Variants in CC2D1A observed in about 807,000 individuals in gnomAD.
The protein encoded by CC2D1A is coiled-coil and C2 domain-containing protein 1A.
A neutral mutation model predicts 123.8 loss-of-function variants in CC2D1A; 68 were observed. The observed-to-expected ratio is 0.55, with a 90% CI of 0.45 to 0.67. CC2D1A has a LOEUF of 0.67. Among genes scored for constraint, CC2D1A ranks in the 30% least tolerant of loss-of-function variants. The pLI is 0.00. For synonymous variants in CC2D1A, 477 were observed against 528.0 expected (o/e 0.90, Z 1.32); for missense variants, 1,185 against 1,290.3 (o/e 0.92, Z 1.25).
Position 13,930,380 on chromosome 19 carries a change from G to T in CC2D1A, c.2841G>T (p.Gln947His). The T allele has an allele frequency of 2.5e-6, 4 of 1,613,008 alleles. No individual in the cohort carries two copies. Among genetic ancestry groups the T allele is most frequent in the Non-Finnish European group, 3.4e-6 (4 of 1,179,394 alleles). Residue 947 changes from glutamine to histidine, a missense_variant, in exon 29 of 29, where the codon CAG (glutamine) becomes CAT (histidine). Coordinates refer to ENST00000318003, the MANE Select transcript of CC2D1A (RefSeq NM_017721.5). The surrounding 1 kb of genome is among the most constrained non-coding windows in gnomAD (Gnocchi z 6.8). ...YRRNLVESEL[Q>H]RLRR ...AGTGGCCTCCTCTCCCCCAGCTGCAGCGGCTCCGCAGGTGAGGAGCCCATG... is the reference window on the plus strand; with the variant it reads ...AGTGGCCTCCTCTCCCCCAGCTGCATCGGCTCCGCAGGTGAGGAGCCCATG...
At chr19:13,922,398 A>G (rs1207375734) in intron 14 of CC2D1A, among the ~76,000 whole-genome samples, 1 of 152,142 alleles carries the variant, frequency 6.6e-6, no homozygotes, top group Admixed American at 6.6e-5. Flanking sequence ...GCCTTTGCAC[A>G]TGCAGTTCCC....
At chr19:13,916,150 G>A (rs191392522) in intron 6 of CC2D1A, among the ~76,000 whole-genome samples, 64 of 152,224 alleles carry the variant, frequency 4.2e-4, no homozygotes, top group African/African-American at 1.3e-3. Flanking sequence ...CCAGCCACTC[G>A]GGTGGATGAG....
chr19:13,920,611 C>T lies in CC2D1A; in HGVS notation c.1411C>T (p.Pro471Ser). Residue 471 changes from proline (P) to serine (S), a missense_variant, in exon 13 of 29, where the codon CCC (proline) becomes TCC (serine). Pro to Ser is a moderately conservative substitution (Grantham distance 74, BLOSUM62 -1). Transcript: ENST00000318003. Reference protein sequence around the residue: ...AQPKAPPSRTPQSGSAPTAKA... With the variant: ...AQPKAPPSRTSQSGSAPTAKA... ...GCCCAAAGCCCCACCCTCAAGAACT[C>T]CCCAGTCGGGATCAGCCCCAACAGC... is the stretch of plus-strand genomic sequence containing the variant. 1 of 1,611,448 alleles carries T rather than the reference C, an allele frequency of 6.2e-7. No homozygotes were observed. Among genetic ancestry groups the T allele is most frequent in the Non-Finnish European group, 8.5e-7 (1 of 1,178,752 alleles).
Position 13,906,648 on chromosome 19 carries a change from C to A in CC2D1A, c.60+147C>A. On this transcript the variant is annotated intron_variant, in intron 1 of 28. Coordinates refer to ENST00000318003, the MANE Select transcript of CC2D1A (RefSeq NM_017721.5). The surrounding 1 kb of genome is among the most constrained non-coding windows in gnomAD (Gnocchi z 4.1). ...CCTCCCCCCAGGTGAGGCTCCAACACCACCCAAGTGTGGCCTACTGGCCTT... is the reference window on the plus strand; with the variant it reads ...CCTCCCCCCAGGTGAGGCTCCAACAACACCCAAGTGTGGCCTACTGGCCTT... 1.9e-6 allele frequency: 1 copy of A among 535,666 alleles called. No homozygotes were observed. Among genetic ancestry groups the A allele is most frequent in the African/African-American group, 2.0e-5 (1 of 49,726 alleles). 33.2% of individuals were successfully genotyped at this position (535,666 alleles called of 1,614,324 possible).
intron 14 of CC2D1A, among the ~76,000 whole-genome samples, chr19:13,921,595 GCAAAGGCCA>G (rs1322885106): frequency 6.6e-6 from 1 of 151,484 alleles, no homozygotes; most frequent in Admixed American, 6.6e-5. Context: ...TGGGCGCCCA[GCAAAGGCCA>G]CCCAGTTTAA....
chr19:13,924,096 G>C (rs1003684609), intron 17 of CC2D1A, among the ~76,000 whole-genome samples: 1 of 152,196 alleles, frequency 6.6e-6, no homozygotes, highest in African/African-American at 2.4e-5. Flanking sequence ...GATGAGTCAC[G>C]GCTTTGGTGG....
chr19:13,914,061 A>G (rs1463987708), intron 6 of CC2D1A, among the ~76,000 whole-genome samples: 1 of 151,452 alleles, frequency 6.6e-6, no homozygotes, highest in Non-Finnish European at 1.5e-5. Context: ...TATTTTGAGT[A>G]GAGATGGGGT....
Position 13,927,772 on chromosome 19 carries a change from ACT to A in CC2D1A, c.2317-118_2317-117del, listed in dbSNP as rs777793311. 60 of 1,012,470 alleles carry A rather than the reference ACT, an allele frequency of 5.9e-5. No individual in the cohort carries two copies. In the Middle Eastern group the frequency reaches 1.9e-3, roughly 33 times the overall value. 62.7% of individuals were successfully genotyped at this position (1,012,470 alleles called of 1,614,324 possible). On this transcript the variant is annotated intron_variant, in intron 22 of 28. Transcript: ENST00000318003. ...ACTCCAGCCTGGACAACAGAGCGAG[ACT>A]CTATCTCAGAAAAAAAAAAAACCAA...
chr19:13,914,365 C>T lies in CC2D1A; in HGVS notation c.748+727C>T, dbSNP rs191031532. ...TTTTTTTTTTTTTGAGTCGGAGTCTCGCTCTGTCACCCAGGCTGGAGTGCA... is the reference window on the plus strand; with the variant it reads ...TTTTTTTTTTTTTGAGTCGGAGTCTTGCTCTGTCACCCAGGCTGGAGTGCA... On this transcript the variant is annotated intron_variant, in intron 6 of 28. Coordinates refer to ENST00000318003, the MANE Select transcript of CC2D1A (RefSeq NM_017721.5). Among the ~76,000 whole-genome samples, 712 of 148,564 alleles carry T rather than the reference C, an allele frequency of 4.8e-3. 2 individuals carry two copies. The highest frequency in any genetic ancestry group is 0.011 in the South Asian group (51 of 4,646).
chr19:13,926,019 TATATATGTGTATATATATATATATACAC>T (rs1971611891), intron 17 of CC2D1A, among the ~76,000 whole-genome samples: 1 of 102,092 alleles, frequency 9.8e-6, no homozygotes, highest in African/African-American at 6.7e-5. Context: ...TATATACGTA[TATATATGTGTATATATATATATATACAC>T]GTATATATAT....
chr19:13,919,273 CCG>C (rs1971324441), intron 11 of CC2D1A, 71 bp downstream of exon 11: 1 of 1,249,650 alleles, frequency 8.0e-7, no homozygotes, highest in Admixed American at 2.4e-5. Context: ...AGAGGCCCCG[CCG>C]CTGGCAGGCT....
chr19:13,930,085 A>G lies in CC2D1A; in HGVS notation c.2718A>G (p.Ala906=), dbSNP rs1160974685. The G allele has an allele frequency of 6.2e-7, 1 of 1,612,926 alleles. No individual in the cohort carries two copies. The highest frequency in any genetic ancestry group is 1.1e-5 in the South Asian group (1 of 91,024). ...QGGVGIRREY[A]AQLERQLQFY... ...CCCGCCATCCATTCTCAGAATACGC[A>G]GCCCAGCTGGAGCGGCAGCTGCAGT... The change falls in exon 27 of 29, where the codon GCA becomes GCG. Residue 906 remains alanine (A), a synonymous_variant. Coordinates refer to ENST00000318003, the MANE Select transcript of CC2D1A (RefSeq NM_017721.5). This position sits in a 1 kb window ranked among gnomAD's most constrained non-coding sequence, Gnocchi z 6.8.
At chr19:13,922,882 C>A (rs1276926385) in intron 14 of CC2D1A, among the ~76,000 whole-genome samples, 1 of 151,968 alleles carries the variant, frequency 6.6e-6, no homozygotes, top group African/African-American at 2.4e-5. Flanking sequence ...TTAAATGGGA[C>A]AATGGAAGGA....
At chr19:13,914,578 C>A (rs1201533582) in intron 6 of CC2D1A, among the ~76,000 whole-genome samples, 1 of 151,760 alleles carries the variant, frequency 6.6e-6, no homozygotes, top group Non-Finnish European at 1.5e-5. Flanking sequence ...TTGTGATCTG[C>A]CTGCCTCGGC....
At chr19:13,921,174 C>T (rs865963054) in intron 14 of CC2D1A, among the ~76,000 whole-genome samples, 7 of 152,214 alleles carry the variant, frequency 4.6e-5, no homozygotes, top group Non-Finnish European at 7.3e-5. Context: ...CTTTGCTGCA[C>T]CTGAGGGGGT....
rs1971478137 is a variant in CC2D1A at position 13,923,399 on chromosome 19, C to G, written c.1708C>G (p.Gln570Glu). The G allele has an allele frequency of 1.3e-5, 21 of 1,613,358 alleles. No individual in the cohort carries two copies. Among genetic ancestry groups the G allele is most frequent in the Non-Finnish European group, 1.8e-5 (21 of 1,180,014 alleles). The change falls in exon 15 of 29, where the codon CAG becomes GAG. Residue 570 changes from glutamine to glutamate, a missense_variant. By Grantham distance (29) the Gln-to-Glu change is conservative (BLOSUM62 2). Coordinates refer to ENST00000318003, the MANE Select transcript of CC2D1A (RefSeq NM_017721.5). The surrounding 1 kb of genome is among the most constrained non-coding windows in gnomAD (Gnocchi z 5.3). ...CCAGCGGCCTGGCCCGGGTCTGTCT[C>G]AGGAGGCCGCCCGGCGCTATGGTGA... ...LVQRPGPGLSQEAARRYGELT... is the reference protein window; with the variant it reads ...LVQRPGPGLSEEAARRYGELT...
At chr19:13,913,753 G>C (rs1364155202) in intron 6 of CC2D1A, 115 bp downstream of exon 6, 1 of 747,320 alleles carries the variant, frequency 1.3e-6, no homozygotes, top group Non-Finnish European at 2.1e-6. Context: ...AACACCCTGA[G>C]TCCTGGGGTC....
chr19:13,925,933 A>ATATATAT (rs1555735762), intron 17 of CC2D1A, among the ~76,000 whole-genome samples: 9 of 91,042 alleles, frequency 9.9e-5, no homozygotes, highest in African/African-American at 3.4e-4. Context: ...AAAAAAAAAA[A>ATATATAT]ATATATATAT....
At chr19:13,913,066 C>T (rs1465548289) in intron 4 of CC2D1A, 102 bp from the exon 5 acceptor site, 3 of 1,259,264 alleles carry the variant, frequency 2.4e-6, no homozygotes, top group African/African-American at 3.0e-5. Context: ...GCAGGGGAGG[C>T]TGGTCCAGGG....
Sources: gnomAD v4.1 joint callset for allele counts (sites outside exome capture counted in the v4.1 genomes callset) on GRCh38, gnomAD v4.1.1 for gene constraint, Gnocchi (gnomAD v3.1) non-coding constraint, MANE v1.5 for transcripts, NCBI Gene and HGNC (gene_info 2026-07-23, HGNC 2026-07-21) for gene names.